IGSF21: variants seen among roughly 807,000 people sequenced by gnomAD.
IGSF21 encodes the protein immunoglobin superfamily member 21.
Under a neutral mutation model 46.8 loss-of-function variants are expected in IGSF21, and 28 were observed. The ratio of observed to expected loss-of-function variants is 0.60; its 90% CI spans 0.44 to 0.82. IGSF21 has a LOEUF of 0.82. IGSF21 is among the 40% of genes least tolerant of loss of function. The pLI, the probability that IGSF21 is intolerant of heterozygous loss-of-function variation, is 0.00. For missense variants in IGSF21, 624 were observed against 665.5 expected (o/e 0.94, Z 0.69); for synonymous variants, 284 against 273.6 (o/e 1.04, Z -0.38).
intron 1 of IGSF21, among the ~76,000 whole-genome samples, chr1:18,123,129 C>G (rs534756825): frequency 1.5e-3 from 222 of 152,188 alleles, no homozygotes; most frequent in Middle Eastern, 6.8e-3. Context: ...TCCCACTCTC[C>G]CGGGTCCGTA....
At chr1:18,188,150 G>T (rs1006595914) in intron 1 of IGSF21, among the ~76,000 whole-genome samples, 1 of 152,038 alleles carries the variant, frequency 6.6e-6, no homozygotes, top group Non-Finnish European at 1.5e-5. Context: ...GGCTTGCTAG[G>T]ATATTTTGAC....
chr1:18,306,933 G>A (rs1346205571), intron 3 of IGSF21, among the ~76,000 whole-genome samples: 2 of 152,222 alleles, frequency 1.3e-5, no homozygotes, highest in Non-Finnish European at 2.9e-5. Flanking sequence ...CCAGGACTGG[G>A]GCTGAAAACC....
chr1:18,144,201 C>T (rs2086444734), intron 1 of IGSF21, among the ~76,000 whole-genome samples: 1 of 152,188 alleles, frequency 6.6e-6, no homozygotes, highest in Non-Finnish European at 1.5e-5. Context: ...GCCTCTGCTC[C>T]TCCCATCTTC....
chr1:18,305,492 G>GGAT (rs774299195), intron 3 of IGSF21, among the ~76,000 whole-genome samples: 58 of 139,918 alleles, frequency 4.1e-4, no homozygotes, highest in African/African-American at 1.6e-3. Flanking sequence ...GATGGATGAT[G>GGAT]GATGGATGGA....
intron 3 of IGSF21, among the ~76,000 whole-genome samples, chr1:18,329,368 A>G (rs973956752): frequency 6.6e-6 from 1 of 152,208 alleles, no homozygotes. Flanking sequence ...CCGAAGCTCA[A>G]AGAAGCCAAA....
chr1:18,236,715 A>AC (rs2084676282), intron 2 of IGSF21, among the ~76,000 whole-genome samples: 1 of 91,936 alleles, frequency 1.1e-5, no homozygotes, highest in African/African-American at 3.4e-5. Context: ...AGCCAGCAAG[A>AC]TGTGAAGACG....
intron 4 of IGSF21, among the ~76,000 whole-genome samples, chr1:18,360,268 T>A (rs2086085612): frequency 6.6e-6 from 1 of 152,244 alleles, no homozygotes; most frequent in Non-Finnish European, 1.5e-5. Context: ...ATCTGTTTTA[T>A]GCGATCTTAC....
chr1:18,159,647 C>A (rs1161942651), intron 1 of IGSF21, among the ~76,000 whole-genome samples: 1 of 151,776 alleles, frequency 6.6e-6, no homozygotes, highest in Non-Finnish European at 1.5e-5. Context: ...ACCCATTAAA[C>A]CTCTTTTTCT....
chr1:18,251,993 G>A (rs2084845884), intron 2 of IGSF21, among the ~76,000 whole-genome samples: 1 of 146,764 alleles, frequency 6.8e-6, no homozygotes, highest in South Asian at 2.2e-4. Context: ...TGCCAAATGG[G>A]TTTTCTCTGA....
intron 3 of IGSF21, among the ~76,000 whole-genome samples, chr1:18,304,239 A>G (rs1427251073): frequency 6.6e-6 from 1 of 152,214 alleles, no homozygotes; most frequent in East Asian, 1.9e-4. Flanking sequence ...CTGAGGGTGT[A>G]GGACAGAACT....
At chr1:18,211,110 G>A (rs2084387180) in intron 1 of IGSF21, among the ~76,000 whole-genome samples, 1 of 152,182 alleles carries the variant, frequency 6.6e-6, no homozygotes, top group South Asian at 2.1e-4. Flanking sequence ...GTCCTCAAGT[G>A]ATCCGCCCTC....
chr1:18,271,391 T>C (rs1490489784), intron 2 of IGSF21, among the ~76,000 whole-genome samples: 1 of 152,134 alleles, frequency 6.6e-6, no homozygotes, highest in Non-Finnish European at 1.5e-5. Context: ...AAGCCCCACA[T>C]CCCAGGCCTC....
intron 2 of IGSF21, among the ~76,000 whole-genome samples, chr1:18,260,742 A>G (rs555350589): frequency 6.6e-6 from 1 of 152,296 alleles, no homozygotes; most frequent in African/African-American, 2.4e-5. Flanking sequence ...TTCATGTCTT[A>G]TGGAAAGTTC....
intron 1 of IGSF21, among the ~76,000 whole-genome samples, chr1:18,206,546 C>G (rs1298949403): frequency 7.3e-6 from 1 of 137,852 alleles, no homozygotes; most frequent in Non-Finnish European, 1.6e-5. Context: ...GAGACCCCGT[C>G]TCAAAAAAAA....
At chr1:18,157,030 A>G (rs1376444418) in intron 1 of IGSF21, among the ~76,000 whole-genome samples, 1 of 152,182 alleles carries the variant, frequency 6.6e-6, no homozygotes, top group African/African-American at 2.4e-5. Flanking sequence ...AGGCTGAGGC[A>G]GGAGAATTGC....
intron 2 of IGSF21, among the ~76,000 whole-genome samples, chr1:18,230,465 A>G (rs17436172): frequency 0.44 from 67,252 of 151,984 alleles, 15,587 homozygotes; most frequent in Middle Eastern, 0.5. Flanking sequence ...TGGAGCAGGC[A>G]TATGCAGATG....
intron 1 of IGSF21, among the ~76,000 whole-genome samples, chr1:18,157,848 C>T (rs146899851): frequency 6.6e-6 from 1 of 152,226 alleles, no homozygotes; most frequent in Non-Finnish European, 1.5e-5. Context: ...CTCCATCTGA[C>T]TCAGGGCTCC....
chr1:18,277,471 G>A (rs1358500054), intron 2 of IGSF21, among the ~76,000 whole-genome samples: 1 of 152,208 alleles, frequency 6.6e-6, no homozygotes, highest in African/African-American at 2.4e-5. Context: ...CACATAGTAG[G>A]TGCTCAGGGA....
Position 18,365,465 on chromosome 1 carries a change from C to A in IGSF21, c.783C>A (p.Thr261=). 1.9e-6 allele frequency: 3 copies of A among 1,614,130 alleles called. No homozygotes were observed. The highest frequency in any genetic ancestry group is 2.5e-6 in the Non-Finnish European group (3 of 1,180,036). ...TPDPNILLQP[T]TENIPETVVS... ...ATCCCAACATCCTCCTCCAGCCAAC[C>A]ACAGAGAACATACCAGAGACGGTCG... Residue 261 remains threonine (T), a synonymous_variant, in exon 6 of 10, where the codon ACC becomes ACA. Coordinates refer to ENST00000251296, the MANE Select transcript of IGSF21 (RefSeq NM_032880.5). This position sits in a 1 kb window ranked among gnomAD's most constrained non-coding sequence, Gnocchi z 4.8.
Sources: allele counts gnomAD v4.1 joint callset (sites outside exome capture counted in the v4.1 genomes callset), GRCh38; gene constraint gnomAD v4.1.1; non-coding constraint Gnocchi (gnomAD v3.1); transcripts MANE v1.5; gene names NCBI Gene and HGNC (gene_info 2026-07-23, HGNC 2026-07-21).